The following LITAF variants were observed in gnomAD, a reference collection of about 807,000 sequenced individuals.
LITAF encodes lipopolysaccharide induced TNF factor.
In LITAF, 9 loss-of-function variants were observed where a neutral mutation model predicts 14.5. The observed-to-expected ratio is 0.62, with a 90% confidence interval of 0.37 to 1.08. The LOEUF (loss-of-function observed/expected upper bound fraction) is 1.08, where lower values mean the gene tolerates loss of function less well. Among genes scored for constraint, LITAF ranks in the 50% least tolerant of loss-of-function variants. The probability of loss-of-function intolerance (pLI) is 0.01; values close to 1 mark genes in which losing one functional copy is unlikely to be tolerated. For synonymous variants in LITAF, 98 were observed against 88.2 expected, an observed-to-expected ratio of 1.11 and a Z score of -0.62; for missense variants, 206 against 213.4, an observed-to-expected ratio of 0.97 and a Z score of 0.22.
chr16:11,556,284 T>C, intron 2 of LITAF: 1 of 561,624 alleles, frequency 1.8e-6, no homozygotes, highest in Non-Finnish European at 3.2e-6. Context: ...GATTCGTATA[T>C]GATGACCATG....
chr16:11,593,257 G>A (rs2064859306), intron 1 of LITAF, among the ~76,000 whole-genome samples: 1 of 150,568 alleles, frequency 6.6e-6, no homozygotes, highest in Non-Finnish European at 1.5e-5. Context: ...TCGGGAGGCT[G>A]AGGCAAGAGA....
At chr16:11,621,648 C>G (rs1404699357) in intron 3 of LITAF, among the ~76,000 whole-genome samples, 1 of 152,050 alleles carries the variant, frequency 6.6e-6, no homozygotes, top group Non-Finnish European at 1.5e-5. Flanking sequence ...TCAGGAAGCA[C>G]AACCCACGTT....
At chr16:11,621,572 C>A (rs118147687) in intron 3 of LITAF, among the ~76,000 whole-genome samples, 1 of 152,172 alleles carries the variant, frequency 6.6e-6, no homozygotes, top group African/African-American at 2.4e-5. Flanking sequence ...ATTAACCCCC[C>A]TCAGAAGCAG....
chr16:11,596,608 G>T, intron 1 of LITAF, among the ~76,000 whole-genome samples: 2 of 7,110 alleles, frequency 2.8e-4, no homozygotes, highest in South Asian at 2.5e-3. Context: ...GGGAGGAAAG[G>T]AGGAAGGGGA....
At chr16:11,566,042 CTTGAGAGGATGAA>C (rs369761621) in intron 1 of LITAF, among the ~76,000 whole-genome samples, 13 of 152,132 alleles carry the variant, frequency 8.5e-5, no homozygotes, top group Middle Eastern at 6.8e-3. Context: ...TCATAAGGCT[CTTGAGAGGATGAA>C]ATGAATCCAT....
At chr16:11,600,966 T>A (rs2064922827), upstream of LITAF, among the ~76,000 whole-genome samples, 1 of 151,960 alleles carries the variant, frequency 6.6e-6, no homozygotes, top group African/African-American at 2.4e-5. The surrounding 1 kb of genome is among the most constrained non-coding windows in gnomAD (Gnocchi z 4.1). Context: ...TGTGGCTGAG[T>A]GAGGCCTGGG....
chr16:11,565,060 G>T (rs1179340995), intron 1 of LITAF, among the ~76,000 whole-genome samples: 1 of 145,496 alleles, frequency 6.9e-6, no homozygotes, highest in Admixed American at 6.9e-5. Context: ...CTGGAGTACA[G>T]AACTTACTAA....
chr16:11,629,731 G>A (rs2065106569), intron 3 of LITAF, among the ~76,000 whole-genome samples: 1 of 152,146 alleles, frequency 6.6e-6, no homozygotes, highest in South Asian at 2.1e-4. Context: ...GAGGGCCCAG[G>A]GCTTCGGAGG....
chr16:11,635,905 T>C (rs2065136266), exon 2 of LITAF: 1 of 152,266 alleles, frequency 6.6e-6, no homozygotes, highest in African/African-American at 2.4e-5. Context: ...ACTCGGGCTC[T>C]GGGTAGCACA....
chr16:11,578,669 G>C (rs28439748), intron 1 of LITAF, among the ~76,000 whole-genome samples: 1 of 152,108 alleles, frequency 6.6e-6, no homozygotes, highest in Non-Finnish European at 1.5e-5. Context: ...TCATGTGCAT[G>C]TCATGTGCCC....
chr16:11,569,697 A>C (rs2064511743), intron 1 of LITAF, among the ~76,000 whole-genome samples: 1 of 152,210 alleles, frequency 6.6e-6, no homozygotes, highest in African/African-American at 2.4e-5. Context: ...GATGGTGAAC[A>C]GGCAGGGCAT....
chr16:11,585,074 G>A (rs146026940), intron 1 of LITAF, among the ~76,000 whole-genome samples: 3 of 152,098 alleles, frequency 2.0e-5, no homozygotes, highest in Non-Finnish European at 4.4e-5. Flanking sequence ...TAAGCATGGT[G>A]GCACCCAACT....
intron 1 of LITAF, among the ~76,000 whole-genome samples, chr16:11,581,512 G>T (rs2064734036): frequency 6.6e-6 from 1 of 152,144 alleles, no homozygotes; most frequent in African/African-American, 2.4e-5. Flanking sequence ...TTAGTGTGGT[G>T]GCTGAGGTGG....
At chr16:11,637,522 G>A (rs1208765736), upstream of LITAF, among the ~76,000 whole-genome samples, 1 of 152,242 alleles carries the variant, frequency 6.6e-6, no homozygotes, top group African/African-American at 2.4e-5. Context: ...CTGCCGTGAG[G>A]AGCAAATGAA....
At chr16:11,604,744 T>TG (rs1457683356) in intron 3 of LITAF, among the ~76,000 whole-genome samples, 3 of 150,468 alleles carry the variant, frequency 2.0e-5, no homozygotes, top group Non-Finnish European at 4.4e-5. Flanking sequence ...TAGATATTGC[T>TG]GGGCACATGG....
At position 11,553,890 on chromosome 16, in the gene LITAF, C is replaced by T. The variant is rs111244003; in HGVS notation, c.221-201G>A. 7.4e-3 allele frequency: 4,420 copies of T among 595,718 alleles called. 145 individuals carry two copies. The African/African-American group carries it at 0.075, about 10-fold the overall frequency. 36.9% of individuals were successfully genotyped at this position (595,718 alleles called of 1,614,324 possible). A position where few individuals can be genotyped will look rare whatever the true frequency, so the allele number is the denominator to read the frequency against. On this transcript the variant is annotated intron_variant, in intron 2 of 3. Coordinates refer to ENST00000622633, the MANE Select transcript of LITAF (RefSeq NM_001136472.2). The surrounding 1 kb of genome is among the most constrained non-coding windows in gnomAD (Gnocchi z 7.7). ...CAGTGTCCATCGACGGACCAATAAA[C>T]TAACACAGCGAAGTTTATCCATCCA... is the stretch of plus-strand genomic sequence containing the variant.
intron 1 of LITAF, among the ~76,000 whole-genome samples, chr16:11,570,936 G>T (rs978369917): frequency 9.2e-5 from 14 of 151,878 alleles, no homozygotes; most frequent in African/African-American, 3.1e-4. Context: ...TGTAGAAAAA[G>T]GAAGCTGTTG....
intron 1 of LITAF, among the ~76,000 whole-genome samples, chr16:11,582,180 G>C (rs1050142161): frequency 2.0e-5 from 3 of 152,036 alleles, no homozygotes; most frequent in Non-Finnish European, 4.4e-5. Flanking sequence ...AGACATATAA[G>C]AAAATATCAC....
chr16:11,595,557 G>A (rs2064879104), intron 1 of LITAF, among the ~76,000 whole-genome samples: 1 of 152,118 alleles, frequency 6.6e-6, no homozygotes, highest in Non-Finnish European at 1.5e-5. Context: ...GTGAAACCCT[G>A]TCTTTACTAA....
Sources: gnomAD v4.1 joint callset for allele counts (sites outside exome capture counted in the v4.1 genomes callset) on GRCh38, gnomAD v4.1.1 for gene constraint, Gnocchi (gnomAD v3.1) non-coding constraint, MANE v1.5 for transcripts, NCBI Gene and HGNC (gene_info 2026-07-23, HGNC 2026-07-21) for gene names.